The following PTH2R variants were observed in gnomAD, a reference collection of about 807,000 sequenced individuals.
PTH2R encodes PTH2 receptor.
A neutral mutation model predicts 60.3 loss-of-function variants in PTH2R; 59 were observed. The observed-to-expected ratio is 0.98, with a 90% confidence interval of 0.79 to 1.22. PTH2R has a LOEUF of 1.22. Among genes scored for constraint, PTH2R ranks in the 50% most tolerant of loss-of-function variants. The pLI is 0.00. For synonymous variants in PTH2R, 256 were observed against 243.8 expected (o/e 1.05, Z -0.47); for missense variants, 749 against 682.6 (o/e 1.10, Z -1.08).
At chr2:208,393,028 C>T (rs952865607) in intron 1 of PTH2R, among the ~76,000 whole-genome samples, 1 of 152,216 alleles carries the variant, frequency 6.6e-6, no homozygotes, top group Non-Finnish European at 1.5e-5. Flanking sequence ...CCCTGGCTGG[C>T]CACATTGATA....
intron 9 of PTH2R, among the ~76,000 whole-genome samples, chr2:208,464,573 G>A (rs914829273): frequency 3.3e-5 from 5 of 152,194 alleles, no homozygotes; most frequent in African/African-American, 1.2e-4. Flanking sequence ...CAAATGTGTC[G>A]CAGTAGTTAC....
At chr2:208,416,137 C>T (rs1165875047) in intron 1 of PTH2R, among the ~76,000 whole-genome samples, 1 of 151,972 alleles carries the variant, frequency 6.6e-6, no homozygotes, top group Non-Finnish European at 1.5e-5. Flanking sequence ...GAAGCGTTTG[C>T]CTTGAAAAAT....
At chr2:208,443,086 A>T (rs928789047) in intron 5 of PTH2R, among the ~76,000 whole-genome samples, 1 of 152,244 alleles carries the variant, frequency 6.6e-6, no homozygotes, top group African/African-American at 2.4e-5. Context: ...ATCTATTTAC[A>T]TAGCATTCAC....
At chr2:208,447,703 A>G (rs1416439043) in intron 7 of PTH2R, among the ~76,000 whole-genome samples, 1 of 151,820 alleles carries the variant, frequency 6.6e-6, no homozygotes. Flanking sequence ...GACCTTTACT[A>G]AATTAAGGAC....
chr2:208,478,535 T>G (rs1316768317), intron 9 of PTH2R, among the ~76,000 whole-genome samples: 1 of 152,218 alleles, frequency 6.6e-6, no homozygotes, highest in Non-Finnish European at 1.5e-5. Flanking sequence ...TCTTTTTCCC[T>G]CCCTTTCGGA....
At chr2:208,487,546 A>G (rs376048689) in intron 10 of PTH2R, among the ~76,000 whole-genome samples, 2 of 152,220 alleles carry the variant, frequency 1.3e-5, no homozygotes, top group East Asian at 3.8e-4. Context: ...AGAAAATAGT[A>G]TGCTTGAGGG....
intron 1 of PTH2R, among the ~76,000 whole-genome samples, chr2:208,377,331 C>T (rs975224077): frequency 5.3e-5 from 8 of 152,152 alleles, no homozygotes; most frequent in African/African-American, 1.9e-4. Flanking sequence ...TTCCCCCTTT[C>T]CTATTCCACA....
At chr2:208,485,556 C>A (rs1703253132) in intron 10 of PTH2R, among the ~76,000 whole-genome samples, 1 of 152,170 alleles carries the variant, frequency 6.6e-6, no homozygotes, top group African/African-American at 2.4e-5. Flanking sequence ...GACCCATGAC[C>A]CATGTACACA....
chr2:208,479,230 G>T (rs576889103), intron 9 of PTH2R, among the ~76,000 whole-genome samples: 279 of 152,172 alleles, frequency 1.8e-3, no homozygotes, highest in Non-Finnish European at 3.3e-3. Flanking sequence ...TTTTCTGGGG[G>T]TGGGGGGTGC....
intron 1 of PTH2R, chr2:208,360,330 G>T (rs976571172): frequency 3.1e-6 from 1 of 319,454 alleles, no homozygotes; most frequent in Non-Finnish European, 6.3e-6. Context: ...GCCACACCCG[G>T]AGCGGCGGCC....
chr2:208,429,307 C>A (rs571768070), intron 2 of PTH2R, among the ~76,000 whole-genome samples: 1 of 152,018 alleles, frequency 6.6e-6, no homozygotes, highest in South Asian at 2.1e-4. Context: ...ATATATATAT[C>A]TTAAAATATG....
In PTH2R at chr2:208,452,820, G is replaced by A. The variant is rs891191869; in HGVS notation, c.914+2011G>A. Among the ~76,000 whole-genome samples, 9 of 152,312 alleles carry A rather than the reference G, an allele frequency of 5.9e-5. No individual in the cohort carries two copies. In the East Asian group the frequency reaches 1.3e-3, roughly 23 times the overall value. ...AACTCATTATTAACTCTATGAAACTGAGGTCAGAGAAGTTGTGCTCAAGGT... is the reference window on the plus strand; with the variant it reads ...AACTCATTATTAACTCTATGAAACTAAGGTCAGAGAAGTTGTGCTCAAGGT... On this transcript the variant is annotated intron_variant, in intron 8 of 12. Transcript: ENST00000272847.
intron 2 of PTH2R, among the ~76,000 whole-genome samples, chr2:208,432,071 A>G (rs1220001399): frequency 6.6e-6 from 1 of 152,244 alleles, no homozygotes; most frequent in Non-Finnish European, 1.5e-5. Flanking sequence ...AGATATGGAA[A>G]TCTACTAACA....
At chr2:208,409,017 CT>C (rs1701485716) in intron 1 of PTH2R, among the ~76,000 whole-genome samples, 1 of 152,252 alleles carries the variant, frequency 6.6e-6, no homozygotes, top group African/African-American at 2.4e-5. Flanking sequence ...CCCCCTCCCC[CT>C]AACTGAGACA....
rs532997251 is a variant in PTH2R, at chr2:208,471,094, A to G, written c.982-9976A>G. Reference sequence around the variant, plus strand: ...AAATTTCTAAGCAGCAAAGCATTCAAGAGGTGACTTGGGTGCTGTTAAAGG... The same window carrying G: ...AAATTTCTAAGCAGCAAAGCATTCAGGAGGTGACTTGGGTGCTGTTAAAGG... On this transcript the variant is annotated intron_variant, in intron 9 of 12. Transcript: ENST00000272847. 8.5e-5 allele frequency among the ~76,000 whole-genome samples: 13 copies of G among 152,344 alleles called. No homozygotes were observed. The South Asian group carries it at 2.7e-3, about 32-fold the overall frequency.
At chr2:208,490,149 C>T (rs185474949) in intron 11 of PTH2R, among the ~76,000 whole-genome samples, 15 of 152,216 alleles carry the variant, frequency 9.9e-5, no homozygotes, top group African/African-American at 3.6e-4. Flanking sequence ...GAACAGGGAA[C>T]TTGTCTGTTT....
intron 9 of PTH2R, chr2:208,466,146 G>C (rs531057549): frequency 6.6e-6 from 1 of 152,270 alleles, no homozygotes; most frequent in African/African-American, 2.4e-5. Flanking sequence ...AGCGGCAGGG[G>C]GAATCTAACG....
intron 1 of PTH2R, among the ~76,000 whole-genome samples, chr2:208,409,450 G>T (rs1701495122): frequency 6.6e-6 from 1 of 152,180 alleles, no homozygotes; most frequent in Non-Finnish European, 1.5e-5. Context: ...GCTTAAGTAT[G>T]AGAGACAAGG....
At position 208,481,050 on chromosome 2, in the gene PTH2R, A is replaced by G. The variant is rs1166526436; in HGVS notation, c.982-20A>G. 1 of 1,492,072 alleles carries G rather than the reference A, an allele frequency of 6.7e-7. No individual in the cohort carries two copies. Among genetic ancestry groups the G allele is most frequent in the African/African-American group, 1.4e-5 (1 of 71,836 alleles). The allele number at this position is 1,492,072 out of a possible 1,614,324, so 92.4% of individuals were successfully genotyped here. On this transcript the variant is annotated intron_variant, in intron 9 of 12. Coordinates refer to ENST00000272847, the MANE Select transcript of PTH2R (RefSeq NM_005048.4). ...TTGAAGACTAACAATAATTCTTTGTAATCTTACCTTCTTTTTCAGCTGAAT... is the reference window on the plus strand; with the variant it reads ...TTGAAGACTAACAATAATTCTTTGTGATCTTACCTTCTTTTTCAGCTGAAT...
Sources: gnomAD v4.1 joint callset for allele counts (sites outside exome capture counted in the v4.1 genomes callset) on GRCh38, gnomAD v4.1.1 for gene constraint, MANE v1.5 for transcripts, NCBI Gene and HGNC (gene_info 2026-07-23, HGNC 2026-07-21) for gene names.